Variants in IL1RAPL1 observed in about 807,000 individuals in gnomAD.
The protein encoded by IL1RAPL1 is interleukin 1 receptor accessory protein like 1.
In IL1RAPL1, 3 loss-of-function variants were observed where a neutral mutation model predicts 48.4. The ratio of observed to expected loss-of-function variants is 0.06; its 90% CI spans 0.03 to 0.16. IL1RAPL1 has a LOEUF of 0.16. Ranked by LOEUF, IL1RAPL1 falls within the 10% of genes least tolerant of loss-of-function variation. The probability of loss-of-function intolerance (pLI) is 1.00; values close to 1 mark genes in which losing one functional copy is unlikely to be tolerated. For missense variants in IL1RAPL1, 349 were observed against 530.6 expected, an observed-to-expected ratio of 0.66 and a Z score of 3.36; for synonymous variants, 185 against 187.7, an observed-to-expected ratio of 0.99 and a Z score of 0.12.
intron 2 of IL1RAPL1, among the ~76,000 whole-genome samples, chrX:29,230,517 A>C (rs1369992508): frequency 1.1e-5 from 1 of 90,536 alleles, no homozygotes; most frequent in Non-Finnish European, 2.1e-5. Flanking sequence ...AAAAAAAAAA[A>C]AAAAAAAAAA....
At chrX:29,277,154 G>A (rs1367469781) in intron 2 of IL1RAPL1, among the ~76,000 whole-genome samples, 1 of 111,928 alleles carries the variant, frequency 8.9e-6, no homozygotes, top group African/African-American at 3.3e-5. Flanking sequence ...TTATGCGAAG[G>A]CTAATAAAAG....
At chrX:29,518,910 G>A (rs1314349613) in intron 5 of IL1RAPL1, among the ~76,000 whole-genome samples, 1 of 111,956 alleles carries the variant, frequency 8.9e-6, no homozygotes. Flanking sequence ...AAAATATATG[G>A]TAGCTCAGAC....
chrX:29,601,715 A>G (rs756666435), intron 5 of IL1RAPL1, among the ~76,000 whole-genome samples: 1 of 112,584 alleles, frequency 8.9e-6, no homozygotes, highest in African/African-American at 3.2e-5. Flanking sequence ...AAAAGAATAT[A>G]GAATGCTTCT....
chrX:29,301,561 T>C (rs1369686390), intron 3 of IL1RAPL1, among the ~76,000 whole-genome samples: 1 of 112,098 alleles, frequency 8.9e-6, no homozygotes, highest in Admixed American at 9.5e-5. Context: ...CATGTATACA[T>C]AAACACACAT....
intron 1 of IL1RAPL1, among the ~76,000 whole-genome samples, chrX:28,649,118 C>A (rs1569145015): frequency 8.9e-6 from 1 of 111,976 alleles, no homozygotes; most frequent in South Asian, 3.7e-4. Flanking sequence ...AGTAGGTACT[C>A]AATAAATCAT....
At chrX:29,080,990 T>TCTCTC (rs1569232777) in intron 2 of IL1RAPL1, among the ~76,000 whole-genome samples, 4 of 28,168 alleles carry the variant, frequency 1.4e-4, no homozygotes, top group African/African-American at 2.8e-4. Flanking sequence ...CTTTCTTTCT[T>TCTCTC]TCTTTCTCTC....
chrX:28,919,823 G>A (rs1923574634), intron 2 of IL1RAPL1, among the ~76,000 whole-genome samples: 1 of 111,960 alleles, frequency 8.9e-6, no homozygotes, highest in Non-Finnish European at 1.9e-5. Flanking sequence ...TAAAATCCAT[G>A]TGACCATATA....
chrX:29,270,458 A>T (rs1932023851), intron 2 of IL1RAPL1, among the ~76,000 whole-genome samples: 1 of 112,121 alleles, frequency 8.9e-6, no homozygotes. Flanking sequence ...TGTTTACAGT[A>T]GAATGTATGA....
At chrX:29,408,180 T>G (rs989269637) in intron 5 of IL1RAPL1, among the ~76,000 whole-genome samples, 1 of 111,203 alleles carries the variant, frequency 9.0e-6, no homozygotes, top group Non-Finnish European at 1.9e-5. Flanking sequence ...ATACCAACTA[T>G]GTAGACAAAA....
chrX:29,349,463 A>G (rs1253779131), intron 3 of IL1RAPL1, among the ~76,000 whole-genome samples: 1 of 111,599 alleles, frequency 9.0e-6, no homozygotes, highest in Non-Finnish European at 1.9e-5. Flanking sequence ...TCTAGTTTCT[A>G]TGGCCAGCCT....
At chrX:29,791,329 A>T (rs1929627699) in intron 6 of IL1RAPL1, among the ~76,000 whole-genome samples, 1 of 111,685 alleles carries the variant, frequency 9.0e-6, no homozygotes, top group South Asian at 3.8e-4. Context: ...AGATTTACTG[A>T]ATGATAGTAT....
At chrX:29,369,894 G>T (rs978202933) in intron 3 of IL1RAPL1, 1 of 111,813 alleles carries the variant, frequency 8.9e-6, no homozygotes, top group East Asian at 2.8e-4. Context: ...TTGTCATGTG[G>T]TCCTTATTTA....
At chrX:28,748,312 TAGAGTA>T (rs1428791046) in intron 1 of IL1RAPL1, among the ~76,000 whole-genome samples, 1 of 111,842 alleles carries the variant, frequency 8.9e-6, no homozygotes, top group Non-Finnish European at 1.9e-5. Flanking sequence ...ATTTAAAAAA[TAGAGTA>T]AGTGGATGGA....
At chrX:29,606,447 T>C (rs1285776801) in intron 5 of IL1RAPL1, among the ~76,000 whole-genome samples, 1 of 112,022 alleles carries the variant, frequency 8.9e-6, no homozygotes, top group African/African-American at 3.2e-5. Context: ...ACACCAGCAA[T>C]TCTAAACAAT....
At chrX:29,184,721 G>A (rs902965968) in intron 2 of IL1RAPL1, among the ~76,000 whole-genome samples, 3 of 110,699 alleles carry the variant, frequency 2.7e-5, no homozygotes, top group Admixed American at 9.6e-5. Flanking sequence ...GGCTGGTCTC[G>A]AACTCCTGAC....
intron 6 of IL1RAPL1, among the ~76,000 whole-genome samples, chrX:29,748,378 CAAT>C (rs1252364548): frequency 8.9e-6 from 1 of 111,960 alleles, no homozygotes; most frequent in African/African-American, 3.2e-5. Context: ...ATAAAATGTA[CAAT>C]AATAGAGGTA....
At chrX:29,273,492 G>C (rs1932073986) in intron 2 of IL1RAPL1, among the ~76,000 whole-genome samples, 1 of 111,727 alleles carries the variant, frequency 9.0e-6, no homozygotes, top group Admixed American at 9.5e-5. Flanking sequence ...TTGAAGTTAA[G>C]ATCTTGCTGT....
chrX:29,333,215 G>T (rs1305960521), intron 3 of IL1RAPL1, among the ~76,000 whole-genome samples: 1 of 106,978 alleles, frequency 9.3e-6, no homozygotes, highest in Non-Finnish European at 2.0e-5. Context: ...TCACTTCCCA[G>T]TAGGGGCGGC....
intron 1 of IL1RAPL1, among the ~76,000 whole-genome samples, chrX:28,769,482 GCTAT>G (rs2147256082): frequency 9.0e-6 from 1 of 111,473 alleles, no homozygotes; most frequent in African/African-American, 3.3e-5. Context: ...ATTGGAGACA[GCTAT>G]CTAAGAAGTA....
Sources: gnomAD v4.1 joint callset for allele counts (sites outside exome capture counted in the v4.1 genomes callset) on GRCh38, gnomAD v4.1.1 for gene constraint, MANE v1.5 for transcripts, NCBI Gene and HGNC (gene_info 2026-07-23, HGNC 2026-07-21) for gene names.